The following LRFN5 variants were observed in gnomAD, a reference collection of about 807,000 sequenced individuals.
LRFN5 encodes leucine-rich repeat and fibronectin type-III domain-containing protein 5.
LRFN5 carries 24 observed loss-of-function variants against 45.6 expected under a neutral mutation model. The observed-to-expected ratio is 0.53, with a 90% CI of 0.38 to 0.74. The LOEUF (loss-of-function observed/expected upper bound fraction) is 0.74, where lower values mean the gene tolerates loss of function less well. Ranked by LOEUF, LRFN5 falls within the 30% of genes least tolerant of loss-of-function variation. LRFN5 has a pLI of 0.00. For missense variants in LRFN5, 776 were observed against 861.5 expected, an observed-to-expected ratio of 0.90 and a Z score of 1.24; for synonymous variants, 340 against 313.8, an observed-to-expected ratio of 1.08 and a Z score of -0.88.
chr14:41,871,140 A>G (rs1036842313), intron 2 of LRFN5, among the ~76,000 whole-genome samples: 6 of 152,174 alleles, frequency 3.9e-5, no homozygotes, highest in South Asian at 2.1e-4. Context: ...ATCCAATTCT[A>G]TTTTTAAAAT....
chr14:41,626,864 A>G (rs1888353284), intron 1 of LRFN5, among the ~76,000 whole-genome samples: 1 of 152,160 alleles, frequency 6.6e-6, no homozygotes, highest in Admixed American at 6.5e-5. Flanking sequence ...AATAATAGAA[A>G]AAAACACTGA....
intron 2 of LRFN5, among the ~76,000 whole-genome samples, chr14:41,828,320 T>G (rs575381333): frequency 9.2e-5 from 14 of 151,996 alleles, no homozygotes; most frequent in Non-Finnish European, 2.1e-4. Flanking sequence ...CAGATCAAGA[T>G]TTGAAATTCA....
intron 1 of LRFN5, among the ~76,000 whole-genome samples, chr14:41,633,506 T>C (rs1289818418): frequency 6.6e-6 from 1 of 152,140 alleles, no homozygotes; most frequent in Non-Finnish European, 1.5e-5. Flanking sequence ...TCTTAGATAC[T>C]GGTTTAACAT....
At chr14:41,904,095 T>A in intron 5 of LRFN5, 63 bp from the exon 6 acceptor site, 1 of 1,322,952 alleles carries the variant, frequency 7.6e-7, no homozygotes, top group Non-Finnish European at 1.1e-6. Context: ...TCTTATTAGC[T>A]ATGTGTTTTC....
chr14:41,880,216 C>T (rs1031178438), intron 2 of LRFN5, among the ~76,000 whole-genome samples: 3 of 151,870 alleles, frequency 2.0e-5, no homozygotes, highest in Non-Finnish European at 4.4e-5. Context: ...TGTGAGCCAC[C>T]GCGCCCGGCC....
intron 1 of LRFN5, among the ~76,000 whole-genome samples, chr14:41,716,265 C>T (rs1883491860): frequency 6.6e-6 from 1 of 152,154 alleles, no homozygotes; most frequent in African/African-American, 2.4e-5. Context: ...TGGGGATTAA[C>T]ATTGGGCTCC....
chr14:41,861,609 G>A (rs1013561912), intron 2 of LRFN5, among the ~76,000 whole-genome samples: 4 of 152,118 alleles, frequency 2.6e-5, no homozygotes, highest in Non-Finnish European at 5.9e-5. Context: ...ATTTATCTCT[G>A]TATTTCCAAT....
intron 1 of LRFN5, among the ~76,000 whole-genome samples, chr14:41,663,113 A>G (rs1380350731): frequency 6.6e-6 from 1 of 152,152 alleles, no homozygotes; most frequent in African/African-American, 2.4e-5. Context: ...GTATAGAAAC[A>G]TGAGAGGTGA....
At chr14:41,766,601 T>C (rs1171994387) in intron 1 of LRFN5, among the ~76,000 whole-genome samples, 1 of 152,210 alleles carries the variant, frequency 6.6e-6, no homozygotes, top group Non-Finnish European at 1.5e-5. Flanking sequence ...TTAAGATTAT[T>C]TAAATTATCC....
chr14:41,870,841 T>C (rs1889994785), intron 2 of LRFN5, among the ~76,000 whole-genome samples: 1 of 152,298 alleles, frequency 6.6e-6, no homozygotes, highest in African/African-American at 2.4e-5. Flanking sequence ...GGAGTAGCAA[T>C]AACAGGGACA....
intron 4 of LRFN5, chr14:41,893,493 T>C: frequency 1.0e-6 from 1 of 984,318 alleles, no homozygotes; most frequent in Non-Finnish European, 1.2e-6. Context: ...GGTACTTTAC[T>C]ATCTTATGTC....
At chr14:41,752,357 T>G (rs1321940952) in intron 1 of LRFN5, among the ~76,000 whole-genome samples, 1 of 152,184 alleles carries the variant, frequency 6.6e-6, no homozygotes, top group Admixed American at 6.5e-5. Flanking sequence ...TCCACAATGG[T>G]TGAACTAGTT....
At chr14:41,674,999 A>ACGATGGG (rs1881541627) in intron 1 of LRFN5, among the ~76,000 whole-genome samples, 1 of 146,598 alleles carries the variant, frequency 6.8e-6, no homozygotes, top group Non-Finnish European at 1.5e-5. Flanking sequence ...CACATCTCAG[A>ACGATGGG]CGATGGGCGG....
intron 2 of LRFN5, among the ~76,000 whole-genome samples, chr14:41,829,994 A>G (rs991084349): frequency 2.6e-5 from 4 of 151,332 alleles, no homozygotes; most frequent in Admixed American, 2.0e-4. Context: ...CTTACTATTT[A>G]GAGCTTTGGA....
chr14:41,748,010 TAAG>T (rs1271577243), intron 1 of LRFN5, among the ~76,000 whole-genome samples: 1 of 151,934 alleles, frequency 6.6e-6, no homozygotes, highest in Non-Finnish European at 1.5e-5. Context: ...ACACAGAAAA[TAAG>T]AAGACTTGGA....
At chr14:41,722,404 G>A (rs1351580158) in intron 1 of LRFN5, among the ~76,000 whole-genome samples, 1 of 152,106 alleles carries the variant, frequency 6.6e-6, no homozygotes, top group Non-Finnish European at 1.5e-5. Flanking sequence ...GAGAGCTAGT[G>A]TGATCCATTG....
intron 1 of LRFN5, among the ~76,000 whole-genome samples, chr14:41,717,405 T>C (rs548660674): frequency 3.4e-4 from 52 of 152,222 alleles, no homozygotes; most frequent in Non-Finnish European, 6.8e-4. Flanking sequence ...TAATTTTTTC[T>C]ATGTCTTGCT....
chr14:41,704,448 C>CTGTG (rs59129586), intron 1 of LRFN5, among the ~76,000 whole-genome samples: 1 of 124,240 alleles, frequency 8.0e-6, no homozygotes, highest in Non-Finnish European at 1.6e-5. Context: ...CTCTCTCTCT[C>CTGTG]TGTGTGTGTG....
chr14:41,760,077 T>G (rs1885596222), intron 1 of LRFN5, among the ~76,000 whole-genome samples: 1 of 152,204 alleles, frequency 6.6e-6, no homozygotes, highest in Non-Finnish European at 1.5e-5. Flanking sequence ...TATCAGATTT[T>G]TACCAATTTT....
Sources: gnomAD v4.1 joint callset for allele counts (sites outside exome capture counted in the v4.1 genomes callset) on GRCh38, gnomAD v4.1.1 for gene constraint, MANE v1.5 for transcripts, NCBI Gene and HGNC (gene_info 2026-07-23, HGNC 2026-07-21) for gene names.